JAK1: variants seen among roughly 807,000 people sequenced by gnomAD.
The protein encoded by JAK1 is Janus kinase 1, also known as tyrosine-protein kinase JAK1.
Under a neutral mutation model 136.6 loss-of-function variants are expected in JAK1, and 16 were observed. The observed-to-expected ratio is 0.12, with a 90% CI of 0.08 to 0.18. JAK1 has a LOEUF of 0.18. JAK1 is among the 10% of genes least tolerant of loss of function. The pLI, the probability that JAK1 is intolerant of heterozygous loss-of-function variation, is 1.00. For synonymous variants in JAK1, 492 were observed against 519.5 expected (o/e 0.95, Z 0.72); for missense variants, 859 against 1,450.1 (o/e 0.59, Z 6.62).
chr1:64,875,698 C>G (rs1156945718), intron 4 of JAK1, among the ~76,000 whole-genome samples: 1 of 152,198 alleles, frequency 6.6e-6, no homozygotes, highest in Non-Finnish European at 1.5e-5. Context: ...CTCTCTCACA[C>G]ACAGAAAGAA....
intron 1 of JAK1, among the ~76,000 whole-genome samples, chr1:64,954,545 C>T (rs144235255): frequency 6.6e-6 from 1 of 152,274 alleles, no homozygotes; most frequent in East Asian, 1.9e-4. Context: ...CATATTGTCC[C>T]AAAGCCTTTT....
At chr1:64,847,305 G>A (rs1389833604) in intron 13 of JAK1, among the ~76,000 whole-genome samples, 1 of 152,168 alleles carries the variant, frequency 6.6e-6, no homozygotes, top group African/African-American at 2.4e-5. Context: ...GGGGGTTGGG[G>A]GTGGAAGGGA....
Position 64,855,659 on chromosome 1 carries a change from T to C in JAK1, c.1498A>G (p.Ile500Val), listed in dbSNP as rs759213859. The change falls in exon 11 of 25, where the codon ATC becomes GTC. Residue 500 changes from isoleucine (I) to valine (V), a missense_variant. Around this residue, in one of 4 missense-constraint regions of JAK1, gnomAD observed 409 missense variants for 753.8 expected, o/e 0.54. Transcript: ENST00000342505. ...CTGTAGCGGCCCTTCTGCACCTCGA[T>C]CTGAAAGTTCTTGAACTGCTTCTGG... The part of the protein sequence containing the change: ...GAQKQFKNFQ[I>V]EVQKGRYSLH... The C allele has an allele frequency of 1.9e-6, 3 of 1,614,060 alleles. No homozygotes were observed. The highest frequency in any genetic ancestry group is 2.2e-5 in the South Asian group (2 of 91,084).
chr1:64,930,207 G>A (rs1435935763), intron 1 of JAK1, among the ~76,000 whole-genome samples: 1 of 152,182 alleles, frequency 6.6e-6, no homozygotes, highest in African/African-American at 2.4e-5. Context: ...TCATCAGAGT[G>A]AAGAGGCAAT....
intron 2 of JAK1, among the ~76,000 whole-genome samples, chr1:65,012,734 C>T (rs1264239222): frequency 6.7e-6 from 1 of 150,310 alleles, no homozygotes; most frequent in African/African-American, 2.5e-5. Flanking sequence ...CAAGGCTGCA[C>T]TGAGCCATGT....
intron 1 of JAK1, among the ~76,000 whole-genome samples, chr1:65,067,375 G>T (rs941544884): frequency 1.3e-5 from 2 of 149,354 alleles, no homozygotes; most frequent in South Asian, 4.1e-4. Context: ...GAGCCGCTCT[G>T]TGCGCCCCAC....
chr1:64,888,142 T>C lies in JAK1; in HGVS notation c.-77-1801A>G, dbSNP rs1463560716. Among the ~76,000 whole-genome samples, 4 of 152,202 alleles carry C rather than the reference T, an allele frequency of 2.6e-5. No individual in the cohort carries two copies. In the East Asian group the frequency reaches 5.8e-4, roughly 22 times the overall value. On this transcript the variant is annotated intron_variant, in intron 1 of 24. Coordinates refer to ENST00000342505, the MANE Select transcript of JAK1 (RefSeq NM_002227.4). ...GGCTCCATTCAGAAGGGCTACCATA[T>C]AAACCTTTTTAGAACTTACAAAGGT...
intron 2 of JAK1, among the ~76,000 whole-genome samples, chr1:65,039,753 C>T (rs74080256): frequency 0.013 from 1,978 of 152,236 alleles, 35 homozygotes; most frequent in African/African-American, 0.045. Flanking sequence ...TGAGCTTCTC[C>T]GACACAGCCA....
intron 1 of JAK1, among the ~76,000 whole-genome samples, chr1:65,046,255 T>C (rs1647181809): frequency 6.6e-6 from 1 of 152,276 alleles, no homozygotes. Context: ...GGGATATGAA[T>C]GAACAACAGG....
chr1:64,914,602 C>T (rs1040175233), intron 1 of JAK1, among the ~76,000 whole-genome samples: 2 of 152,178 alleles, frequency 1.3e-5, no homozygotes, highest in Non-Finnish European at 2.9e-5. Flanking sequence ...TCTCATCTGT[C>T]ACCCAGGCTG....
intron 2 of JAK1, among the ~76,000 whole-genome samples, chr1:64,885,338 G>C (rs1644835383): frequency 6.6e-6 from 1 of 152,214 alleles, no homozygotes; most frequent in African/African-American, 2.4e-5. Flanking sequence ...CTTTGTCCTT[G>C]AGAGTCTTTA....
rs1403218540 is a variant in JAK1, at chr1:64,835,112, C to T, written c.3369+284G>A. 7.9e-5 allele frequency among the ~76,000 whole-genome samples: 12 copies of T among 152,342 alleles called. No homozygotes were observed. The East Asian group carries it at 2.1e-3, about 27-fold the overall frequency. ...AAAAAATGCAATTATATGTATTTGT[C>T]ACACTAAGGCTACACCAAAACCTGT... is the stretch of plus-strand genomic sequence containing the variant. On this transcript the variant is annotated intron_variant, in intron 24 of 24. Coordinates refer to ENST00000342505, the MANE Select transcript of JAK1 (RefSeq NM_002227.4).
At chr1:64,921,717 G>T (rs972790675) in intron 1 of JAK1, among the ~76,000 whole-genome samples, 2 of 152,008 alleles carry the variant, frequency 1.3e-5, no homozygotes, top group African/African-American at 4.8e-5. Flanking sequence ...AGAAATTGTT[G>T]TGATTATACT....
chr1:65,065,312 A>C (rs951805173), intron 1 of JAK1, among the ~76,000 whole-genome samples: 1 of 152,172 alleles, frequency 6.6e-6, no homozygotes, highest in Non-Finnish European at 1.5e-5. Flanking sequence ...CCTTTATAGA[A>C]TATCAGCTAT....
intron 2 of JAK1, among the ~76,000 whole-genome samples, chr1:65,041,117 G>A (rs1314412941): frequency 6.6e-6 from 1 of 152,178 alleles, no homozygotes; most frequent in South Asian, 2.1e-4. Flanking sequence ...GGACTGCTCA[G>A]AGACCACAAA....
At chr1:64,874,249 A>G (rs1467447418) in intron 4 of JAK1, among the ~76,000 whole-genome samples, 4 of 152,200 alleles carry the variant, frequency 2.6e-5, no homozygotes, top group Non-Finnish European at 5.9e-5. Flanking sequence ...CTTGAACAGC[A>G]TGGGTTTGAA....
intron 2 of JAK1, chr1:64,992,677 CAGG>C (rs1475770539): frequency 6.6e-6 from 1 of 152,232 alleles, no homozygotes; most frequent in Non-Finnish European, 1.5e-5. Context: ...ATCATGAGGT[CAGG>C]AGATCGAGAC....
At chr1:64,837,074 A>G (rs1654529295) in intron 22 of JAK1, among the ~76,000 whole-genome samples, 1 of 152,064 alleles carries the variant, frequency 6.6e-6, no homozygotes, top group African/African-American at 2.4e-5. Flanking sequence ...GTCTGTCTAA[A>G]CCCGCATGAA....
At chr1:64,852,031 G>A (rs780789615) in intron 11 of JAK1, among the ~76,000 whole-genome samples, 5 of 152,330 alleles carry the variant, frequency 3.3e-5, no homozygotes, top group Admixed American at 6.5e-5. Context: ...GCTGCTGAGC[G>A]CCGGGTCCCT....
Sources: allele counts gnomAD v4.1 joint callset (sites outside exome capture counted in the v4.1 genomes callset), GRCh38; gene constraint gnomAD v4.1.1; regional missense constraint gnomAD v4.1.1; transcripts MANE v1.5; gene names NCBI Gene and HGNC (gene_info 2026-07-23, HGNC 2026-07-21).